The following ADGRB1 variants were observed in gnomAD, a reference collection of about 807,000 sequenced individuals.
The protein encoded by ADGRB1 is adhesion G protein-coupled receptor B1, also known as brain-specific angiogenesis inhibitor 1.
ADGRB1 carries 36 observed loss-of-function variants against 175.7 expected under a neutral mutation model. The ratio of observed to expected loss-of-function variants is 0.20; its 90% confidence interval spans 0.16 to 0.27. ADGRB1 has a LOEUF of 0.27. ADGRB1 is among the 10% of genes least tolerant of loss of function. ADGRB1 has a pLI of 1.00. For missense variants in ADGRB1, 1,731 were observed against 2,255.3 expected, an observed-to-expected ratio of 0.77 and a Z score of 4.71; for synonymous variants, 1,054 against 979.4, an observed-to-expected ratio of 1.08 and a Z score of -1.42.
At position 142,479,639 on chromosome 8, in the gene ADGRB1, AGCT is replaced by A; in HGVS notation, c.1727-51_1727-49del. On this transcript the variant is annotated intron_variant, in intron 8 of 30. Transcript: ENST00000517894. ...CAGGCGCCTTGCACCTTCCAGAGCC[AGCT>A]GCCGGCTCTCAGTACCCCTTCCTGA... The A allele has an allele frequency of 4.6e-5, 3 of 65,672 alleles. No homozygotes were observed. The East Asian group carries it at 8.4e-4, about 18-fold the overall frequency. The allele number at this position is 65,672 out of a possible 1,614,324, so 4.1% of individuals were successfully genotyped here.
At chr8:142,532,671 C>T (rs942455200) in intron 24 of ADGRB1, among the ~76,000 whole-genome samples, 1 of 152,114 alleles carries the variant, frequency 6.6e-6, no homozygotes, top group African/African-American at 2.4e-5. Flanking sequence ...CTCTAAGCTT[C>T]TCTCTCTCCA....
rs181189842 is a variant in ADGRB1, at chr8:142,481,497, G to A, written c.1936-20G>A. 85 of 1,570,208 alleles carry A rather than the reference G, an allele frequency of 5.4e-5. No homozygotes were observed. Among genetic ancestry groups the A allele is most frequent in the East Asian group, 4.9e-4 (21 of 43,240 alleles). On this transcript the variant is annotated intron_variant, in intron 10 of 30. Coordinates refer to ENST00000517894, the MANE Select transcript of ADGRB1 (RefSeq NM_001702.3). ...ATGTTCCACAGAGGTGAAGGCACCC[G>A]CCCTCTCTGTCTTCCGCAGACCCGG...
At chr8:142,501,975 G>T (rs1216283023) in intron 17 of ADGRB1, among the ~76,000 whole-genome samples, 1 of 14,866 alleles carries the variant, frequency 6.7e-5, no homozygotes, top group East Asian at 2.6e-3. Flanking sequence ...GATGATGGAG[G>T]TAGGGTGGTG....
Position 142,542,714 on chromosome 8 carries a change from C to T in ADGRB1, c.4413+67C>T, listed in dbSNP as rs1027158085. On this transcript the variant is annotated intron_variant, in intron 28 of 30. Coordinates refer to ENST00000517894, the MANE Select transcript of ADGRB1 (RefSeq NM_001702.3). The surrounding 1 kb of genome is among the most constrained non-coding windows in gnomAD (Gnocchi z 6.3). Reference sequence around the variant, plus strand: ...CAGGGCTGCAGCAGCTGGGTCACCCCTGCTGGGTGGGACCCCCACGCCGTC... The same window carrying T: ...CAGGGCTGCAGCAGCTGGGTCACCCTTGCTGGGTGGGACCCCCACGCCGTC... The T allele has an allele frequency of 2.8e-6, 4 of 1,409,660 alleles. No individual in the cohort carries two copies. The highest frequency in any genetic ancestry group is 2.7e-5 in the East Asian group (1 of 36,558). The allele number at this position is 1,409,660 out of a possible 1,614,324, so 87.3% of individuals were successfully genotyped here.
Position 142,489,348 on chromosome 8 carries a change from C to G in ADGRB1, c.2541C>G (p.Val847=), listed in dbSNP as rs1195801283. Residue 847 remains valine, a synonymous_variant, in exon 16 of 31, where the codon GTC becomes GTG. Coordinates refer to ENST00000517894, the MANE Select transcript of ADGRB1 (RefSeq NM_001702.3). ...CTGGCTCTTGCAGGAACACGACCGT[C>G]CTGAATTCTAAGGTGATCTCCGTGA... ...SFLALQRNTT[V]LNSKVISVTV... The G allele has an allele frequency of 6.2e-7, 1 of 1,612,908 alleles. No individual in the cohort carries two copies. The highest frequency in any genetic ancestry group is 1.1e-5 in the South Asian group (1 of 91,088).
chr8:142,543,308 C>A lies in ADGRB1; in HGVS notation c.4414-95C>A. The A allele has an allele frequency of 1.3e-6, 2 of 1,517,904 alleles. No individual in the cohort carries two copies. Among genetic ancestry groups the A allele is most frequent in the Non-Finnish European group, 1.8e-6 (2 of 1,108,978 alleles). The allele number at this position is 1,517,904 out of a possible 1,614,324, so 94.0% of individuals were successfully genotyped here. A position where few individuals can be genotyped will look rare whatever the true frequency, so the allele number is the denominator to read the frequency against. ...CTGGTCCCTGAAGGCAGGCATGGGG[C>A]GAGTGAGTCCCTGATGCCCTCAGTC... On this transcript the variant is annotated intron_variant, in intron 28 of 30. Transcript: ENST00000517894. This position sits in a 1 kb window ranked among gnomAD's most constrained non-coding sequence, Gnocchi z 4.4.
intron 25 of ADGRB1, among the ~76,000 whole-genome samples, chr8:142,534,201 C>T (rs1249805748): frequency 1.3e-5 from 2 of 152,250 alleles, no homozygotes; most frequent in Non-Finnish European, 2.9e-5. Context: ...CTTCGGCCAG[C>T]TGCAAGGAGC....
chr8:142,479,649 T>C, intron 8 of ADGRB1, 44 bp from the exon 9 acceptor site: 2 of 1,575,022 alleles, frequency 1.3e-6, no homozygotes, highest in Non-Finnish European at 8.7e-7. Context: ...AGCTGCCGGC[T>C]CTCAGTACCC....
At position 142,470,820 on chromosome 8, in the gene ADGRB1, C is replaced by G. The variant is rs141728136; in HGVS notation, c.785-4654C>G. ...TGCCCTGCCTCCAGGGTGAGTCAGG[C>G]TCAGCCCAGGCCCACCTGCCCAGTG... On this transcript the variant is annotated intron_variant, in intron 2 of 30. Transcript: ENST00000517894. 5.3e-3 allele frequency among the ~76,000 whole-genome samples: 801 copies of G among 152,264 alleles called. 5 individuals are homozygous for G. Among genetic ancestry groups the G allele is most frequent in the African/African-American group, 0.018 (735 of 41,548 alleles).
chr8:142,502,780 T>C (rs1310001807), intron 17 of ADGRB1, among the ~76,000 whole-genome samples: 1 of 151,696 alleles, frequency 6.6e-6, no homozygotes, highest in African/African-American at 2.4e-5. Flanking sequence ...ATGTTGATGG[T>C]GTCATGGATG....
rs1439031684 is a variant in ADGRB1 at position 142,477,130 on chromosome 8, G to A, written c.1074G>A (p.Glu358=). The A allele has an allele frequency of 1.3e-6, 2 of 1,581,480 alleles. No homozygotes were observed. Among genetic ancestry groups the A allele is most frequent in the Non-Finnish European group, 1.7e-6 (2 of 1,169,828 alleles). ...GGCCTGCAGGTGACCCAGCAGCCGA[G>A]GAGTGGTCCCCGTGGAGCGTGTGCT... ...PAPQTGDPAA[E]EWSPWSVCSS... The change falls in exon 5 of 31, where the codon GAG becomes GAA. Residue 358 remains glutamate (E), a synonymous_variant. Transcript: ENST00000517894.
chr8:142,540,035 G>A (rs1845170631), intron 27 of ADGRB1: 1 of 153,576 alleles, frequency 6.5e-6, no homozygotes, highest in Non-Finnish European at 1.4e-5. Context: ...CCAAGCATCA[G>A]ACTGCGAGGG....
intron 13 of ADGRB1, 114 bp from the exon 14 acceptor site, chr8:142,488,250 C>A: frequency 7.0e-7 from 1 of 1,432,854 alleles, no homozygotes. Flanking sequence ...CATGGGCACC[C>A]CGCGGCATCA....
chr8:142,482,803 C>T (rs954394732), intron 11 of ADGRB1, among the ~76,000 whole-genome samples: 31 of 147,198 alleles, frequency 2.1e-4, no homozygotes, highest in Admixed American at 9.4e-4. Flanking sequence ...TCTGGTCACA[C>T]GCTGAGCCCT....
At chr8:142,463,416 CG>C (rs1329448142) in intron 1 of ADGRB1, among the ~76,000 whole-genome samples, 2 of 152,228 alleles carry the variant, frequency 1.3e-5, no homozygotes, top group African/African-American at 4.8e-5. Flanking sequence ...AGAAAGGGCT[CG>C]GGGGCCAGAC....
chr8:142,526,827 C>T (rs945877976), intron 24 of ADGRB1, among the ~76,000 whole-genome samples, 200 bp downstream of exon 24: 1 of 152,222 alleles, frequency 6.6e-6, no homozygotes, highest in Non-Finnish European at 1.5e-5. Context: ...GCCTCAGTTT[C>T]TCCATCTGAC....
rs142676693 is a variant in ADGRB1, at chr8:142,471,982, C to T, written c.785-3492C>T. On this transcript the variant is annotated intron_variant, in intron 2 of 30. Transcript: ENST00000517894. ...TGGAGGTGGGGTCATCCCTCGGACA[C>T]GCTGTGGGTGCCTGGGACCTGGTGG... 2.6e-4 allele frequency among the ~76,000 whole-genome samples: 39 copies of T among 152,344 alleles called. 1 individual carries two copies. In the East Asian group the frequency reaches 6.4e-3, roughly 25 times the overall value.
chr8:142,515,704 G>A (rs1052734171), intron 18 of ADGRB1, among the ~76,000 whole-genome samples: 5 of 151,530 alleles, frequency 3.3e-5, no homozygotes, highest in Admixed American at 6.6e-5. Flanking sequence ...TAAAGTTACC[G>A]GTGACTGATG....
At chr8:142,500,552 C>T (rs972598348) in intron 17 of ADGRB1, among the ~76,000 whole-genome samples, 1 of 151,612 alleles carries the variant, frequency 6.6e-6, no homozygotes, top group Admixed American at 6.6e-5. Context: ...GCCTCTTCCG[C>T]TCAGCACCCG....
Sources: gnomAD v4.1 joint callset for allele counts (sites outside exome capture counted in the v4.1 genomes callset) on GRCh38, gnomAD v4.1.1 for gene constraint, Gnocchi (gnomAD v3.1) non-coding constraint, MANE v1.5 for transcripts, NCBI Gene and HGNC (gene_info 2026-07-23, HGNC 2026-07-21) for gene names.